Variants in KRT85 observed in about 807,000 individuals in gnomAD.
KRT85 encodes keratin, type II cuticular Hb5.
A neutral mutation model predicts 53.7 loss-of-function variants in KRT85; 39 were observed. The ratio of observed to expected loss-of-function variants is 0.73; its 90% CI spans 0.56 to 0.95. The LOEUF (loss-of-function observed/expected upper bound fraction) is 0.95. KRT85 is among the 40% of genes least tolerant of loss of function. KRT85 has a pLI of 0.00. For missense variants in KRT85, 668 were observed against 686.0 expected (o/e 0.97, Z 0.29); for synonymous variants, 291 against 277.5 (o/e 1.05, Z -0.48).
chr12:52,362,903 T>C lies in KRT85; in HGVS notation c.1028A>G (p.Asn343Ser). 1 of 1,614,112 alleles carries C rather than the reference T, an allele frequency of 6.2e-7. No homozygotes were observed. The highest frequency in any genetic ancestry group is 2.2e-5 in the East Asian group (1 of 44,860). Residue 343 changes from asparagine to serine, a missense_variant, in exon 6 of 9, where the codon AAC (asparagine) becomes AGC (serine). Physicochemically the swap from Asn to Ser is conservative, Grantham distance 46 (BLOSUM62 1). Transcript: ENST00000257901. ...GGCCGTCAGCCTCTGGATCATGCGG[T>C]TCAGCTCGTTGATCTCCTCCTTGGT... ...RRTKEEINEL[N>S]RMIQRLTAEI...
Position 52,367,284 on chromosome 12 carries a change from C to A in KRT85, c.122G>T (p.Gly41Val), listed in dbSNP as rs1223594666. 1 of 1,613,154 alleles carries A rather than the reference C, an allele frequency of 6.2e-7. No homozygotes were observed. Among genetic ancestry groups the A allele is most frequent in the Non-Finnish European group, 8.5e-7 (1 of 1,179,334 alleles). The change falls in exon 1 of 9, where the codon GGG (glycine) becomes GTG (valine). Residue 41 changes from glycine to valine, a missense_variant. Physicochemically the swap from Gly to Val is moderately radical, Grantham distance 109. This residue lies in a region of KRT85 where 158 missense variants were observed against 141.8 expected (regional missense o/e 1.11). Coordinates refer to ENST00000257901, the MANE Select transcript of KRT85 (RefSeq NM_002283.4). ...RCCISAAPYR[G>V]VSCYRGLTGF... Reference sequence around the variant, plus strand: ...CGTCAGCCCTCGGTAGCAGGACACCCCTCGGTAGGGGGCGGCGCTGATGCA... The same window carrying A: ...CGTCAGCCCTCGGTAGCAGGACACCACTCGGTAGGGGGCGGCGCTGATGCA...
Position 52,360,520 on chromosome 12 carries a change from G to A in KRT85, c.*333C>T, listed in dbSNP as rs1045461517. 1.6e-4 allele frequency: 59 copies of A among 362,346 alleles called. No individual in the cohort carries two copies. Among genetic ancestry groups the A allele is most frequent in the Admixed American group, 6.3e-4 (15 of 23,746 alleles). 22.4% of individuals were successfully genotyped at this position (362,346 alleles called of 1,614,324 possible). On this transcript the variant is annotated 3_prime_UTR_variant, in exon 9 of 9. Coordinates refer to ENST00000257901, the MANE Select transcript of KRT85 (RefSeq NM_002283.4). ...CCTCCACCCAGAAGGTGGAGCTTCC[G>A]TGCTGACCACCACGCTGGGGGACTG...
Position 52,362,936 on chromosome 12 carries a change from A to G in KRT85, c.995T>C (p.Leu332Pro). 1.2e-6 allele frequency: 2 copies of G among 1,614,094 alleles called. No individual in the cohort carries two copies. Among genetic ancestry groups the G allele is most frequent in the Non-Finnish European group, 1.7e-6 (2 of 1,180,014 alleles). Residue 332 changes from leucine (L) to proline (P), a missense_variant, in exon 6 of 9, where the codon CTG becomes CCG. Leu to Pro is a moderately conservative substitution (Grantham distance 98). Coordinates refer to ENST00000257901, the MANE Select transcript of KRT85 (RefSeq NM_002283.4). Reference sequence around the variant, plus strand: ...GTTGATCTCCTCCTTGGTGCGGCGCAGGGTCTCCCCATGCCTGATCACCGT... The same window carrying G: ...GTTGATCTCCTCCTTGGTGCGGCGCGGGGTCTCCCCATGCCTGATCACCGT... The part of the protein sequence containing the change: ...KATVIRHGET[L>P]RRTKEEINEL...
chr12:52,363,500 G>A (rs951202106), intron 4 of KRT85, 90 bp from the exon 5 acceptor site: 29 of 1,421,990 alleles, frequency 2.0e-5, no homozygotes, highest in Non-Finnish European at 2.4e-5. Context: ...TTCCCAGACC[G>A]GGCACTGGTC....
chr12:52,363,342 G>T lies in KRT85; in HGVS notation c.855C>A (p.Asp285Glu), dbSNP rs1255945039. The T allele has an allele frequency of 3.1e-6, 5 of 1,614,156 alleles. No homozygotes were observed. The highest frequency in any genetic ancestry group is 4.2e-6 in the Non-Finnish European group (5 of 1,180,044). Residue 285 changes from aspartate (D) to glutamate (E), a missense_variant, in exon 5 of 9, where the codon GAC becomes GAA. Physicochemically the swap from Asp to Glu is conservative, Grantham distance 45. This residue lies in a region of KRT85 where 488 missense variants were observed against 498.1 expected (regional missense o/e 0.98). Coordinates refer to ENST00000257901, the MANE Select transcript of KRT85 (RefSeq NM_002283.4). ...SVIVKMDNSRDLNMDCIIAEI... is the reference protein window; with the variant it reads ...SVIVKMDNSRELNMDCIIAEI... ...CAGCGATGATGCAGTCCATGTTCAG[G>T]TCTCGGCTGTTGTCCATCTTGACTA...
chr12:52,367,383 A>T lies in KRT85; in HGVS notation c.23T>A (p.Ile8Asn). 4 of 1,614,030 alleles carry T rather than the reference A, an allele frequency of 2.5e-6. No individual in the cohort carries two copies. Among genetic ancestry groups the T allele is most frequent in the Non-Finnish European group, 3.4e-6 (4 of 1,180,008 alleles). The change falls in exon 1 of 9, where the codon ATC becomes AAC. Residue 8 changes from isoleucine (I) to asparagine (N), a missense_variant. This residue lies in a region of KRT85 where 158 missense variants were observed against 141.8 expected (regional missense o/e 1.11). Coordinates refer to ENST00000257901, the MANE Select transcript of KRT85 (RefSeq NM_002283.4). MSCRSYR[I>N]SSGCGVTRNF... The stretch of plus-strand genomic sequence containing the variant: ...CCTGGTGACCCCGCATCCTGAGCTG[A>T]TCCTGTAGGAGCGGCACGACATCGT...
At position 52,360,862 on chromosome 12, in the gene KRT85, G is replaced by T; in HGVS notation, c.1515C>A (p.Arg505=). The change falls in exon 9 of 9, where the codon CGC becomes CGA. Residue 505 remains arginine (R), a synonymous_variant. Coordinates refer to ENST00000257901, the MANE Select transcript of KRT85 (RefSeq NM_002283.4). ...TGGCTCCATGACTCTACTAGGCAAA[G>T]CGGACCGACCGGCTACTCCCGCAGC... ...SFSCGSSRSV[R]FA The T allele has an allele frequency of 6.2e-7, 1 of 1,612,260 alleles. No individual in the cohort carries two copies. The highest frequency in any genetic ancestry group is 8.5e-7 in the Non-Finnish European group (1 of 1,180,024).
chr12:52,362,493 G>A (rs1336847971), intron 6 of KRT85, 22 bp from the exon 7 acceptor site: 1 of 1,612,806 alleles, frequency 6.2e-7, no homozygotes, highest in Non-Finnish European at 8.5e-7. Flanking sequence ...AGATACAAGG[G>A]CCAGGATGAG....
At chr12:52,366,755 C>T (rs572417204) in intron 1 of KRT85, among the ~76,000 whole-genome samples, 5 of 152,322 alleles carry the variant, frequency 3.3e-5, no homozygotes, top group African/African-American at 1.2e-4. Flanking sequence ...TGTACACACA[C>T]ACACATGCAC....
chr12:52,366,887 C>A, intron 1 of KRT85, 99 bp downstream of exon 1: 3 of 1,598,428 alleles, frequency 1.9e-6, no homozygotes, highest in Non-Finnish European at 1.7e-6. Context: ...CCCTCTGCTG[C>A]CTCAAACCGG....
intron 5 of KRT85, 47 bp from the exon 6 acceptor site, chr12:52,363,026 TC>T: frequency 6.2e-7 from 1 of 1,613,948 alleles, no homozygotes; most frequent in Non-Finnish European, 8.5e-7. Flanking sequence ...GGGCCCCCCA[TC>T]CATTCAGGAC....
Position 52,365,162 on chromosome 12 carries a change from GA to G in KRT85, c.428del (p.Phe143SerfsTer75). ...RFAAFIDKVR[F>X]LEQQNKLLET... ...CCAGCAGCTTGTTCTGCTGCTCCAG[GA>G]AGCGCACCTGCCATTCAGGTGGAAA... On this transcript the variant is annotated frameshift_variant, in exon 2 of 9. Coordinates refer to ENST00000257901, the MANE Select transcript of KRT85 (RefSeq NM_002283.4). LOFTEE classifies it high-confidence loss of function. 2 of 1,614,214 alleles carry G rather than the reference GA, an allele frequency of 1.2e-6. No individual in the cohort carries two copies. Among genetic ancestry groups the G allele is most frequent in the Non-Finnish European group, 1.7e-6 (2 of 1,180,048 alleles).
rs749721561 is a variant in KRT85 at position 52,363,020 on chromosome 12, C to T, written c.952-41G>A. 40 of 1,614,030 alleles carry T rather than the reference C, an allele frequency of 2.5e-5. No individual in the cohort carries two copies. The East Asian group carries it at 5.1e-4, about 21-fold the overall frequency. On this transcript the variant is annotated intron_variant, in intron 5 of 8. Transcript: ENST00000257901. ...ATGCTCATGAGGCTCAGGGTGGGGC[C>T]CCCCATCCATTCAGGACACCACAGA...
rs543292597 is a variant in KRT85 at position 52,367,352 on chromosome 12, G to A, written c.54C>T (p.Phe18=). 1.4e-4 allele frequency: 225 copies of A among 1,614,148 alleles called. 2 individuals carry two copies. The South Asian group carries it at 2.3e-3, about 16-fold the overall frequency. ...TGGGGGCCACAGCTGAGCAGGAGCT[G>A]AAGTTCCTGGTGACCCCGCATCCTG... ...ISSGCGVTRN[F]SSCSAVAPKT... is the part of the protein sequence containing the mutation. The change falls in exon 1 of 9, where the codon TTC becomes TTT. Residue 18 remains phenylalanine, a synonymous_variant. Transcript: ENST00000257901.
At chr12:52,361,327 C>G in intron 8 of KRT85, 140 bp downstream of exon 8, 1 of 840,418 alleles carries the variant, frequency 1.2e-6, no homozygotes, top group Non-Finnish European at 2.1e-6. Flanking sequence ...TTCTCTAACA[C>G]CTGTCATGGC....
chr12:52,365,984 G>A (rs554864745), intron 1 of KRT85, among the ~76,000 whole-genome samples: 57 of 152,306 alleles, frequency 3.7e-4, no homozygotes, highest in African/African-American at 1.3e-3. Flanking sequence ...AAACGTGAAG[G>A]TGACTGCCTC....
rs570620079 is a variant in KRT85 at position 52,361,116 on chromosome 12, G to A, written c.1331-70C>T. ...CTCACCCACCCTACAACAGGCCCCA[G>A]GGCACTGCAGGAGCTGCCTCCCTCT... On this transcript the variant is annotated intron_variant, in intron 8 of 8. Coordinates refer to ENST00000257901, the MANE Select transcript of KRT85 (RefSeq NM_002283.4). The A allele has an allele frequency of 1.0e-4, 136 of 1,350,840 alleles. No homozygotes were observed. In the East Asian group the frequency reaches 3.2e-3, roughly 32 times the overall value. 83.7% of individuals were successfully genotyped at this position (1,350,840 alleles called of 1,614,324 possible).
intron 6 of KRT85, 37 bp from the exon 7 acceptor site, chr12:52,362,508 AG>A (rs775576255): frequency 5.6e-6 from 9 of 1,609,694 alleles, no homozygotes; most frequent in Admixed American, 5.1e-5. Context: ...GATGAGAAAG[AG>A]AAGCCACAGC....
At chr12:52,365,998 C>A (rs1939266084) in intron 1 of KRT85, among the ~76,000 whole-genome samples, 1 of 152,158 alleles carries the variant, frequency 6.6e-6, no homozygotes, top group Non-Finnish European at 1.5e-5. Context: ...CTGCCTCTGC[C>A]CCCAAACCCT....
Sources: allele counts gnomAD v4.1 joint callset (sites outside exome capture counted in the v4.1 genomes callset), GRCh38; gene constraint gnomAD v4.1.1; regional missense constraint gnomAD v4.1.1; transcripts MANE v1.5; gene names NCBI Gene and HGNC (gene_info 2026-07-23, HGNC 2026-07-21).